The following SEH1L variants were observed in gnomAD, a reference collection of about 807,000 sequenced individuals.
SEH1L encodes nucleoporin SEH1.
Under a neutral mutation model 49.5 loss-of-function variants are expected in SEH1L, and 18 were observed. The observed-to-expected ratio is 0.36, with a 90% CI of 0.25 to 0.54. The LOEUF (loss-of-function observed/expected upper bound fraction) is 0.54, where lower values mean the gene tolerates loss of function less well. Ranked by LOEUF, SEH1L falls within the 20% of genes least tolerant of loss-of-function variation. The pLI, the probability that SEH1L is intolerant of heterozygous loss-of-function variation, is 0.87. For synonymous variants in SEH1L, 169 were observed against 178.1 expected, an observed-to-expected ratio of 0.95 and a Z score of 0.41; for missense variants, 404 against 528.8, an observed-to-expected ratio of 0.76 and a Z score of 2.31.
At chr18:12,950,341 A>G (rs1306533500) in intron 1 of SEH1L, among the ~76,000 whole-genome samples, 1 of 152,086 alleles carries the variant, frequency 6.6e-6, no homozygotes, top group Non-Finnish European at 1.5e-5. Flanking sequence ...CAGCCCTCTT[A>G]GGTCCATTTA....
chr18:12,953,698 AT>A (rs1438628714), intron 2 of SEH1L, among the ~76,000 whole-genome samples: 17 of 152,200 alleles, frequency 1.1e-4, no homozygotes, highest in African/African-American at 3.9e-4. Flanking sequence ...AAAATTAATA[AT>A]TTCAGAGTAA....
chr18:12,984,058 G>T lies in SEH1L; in HGVS notation c.938G>T (p.Trp313Leu). 2 of 1,613,340 alleles carry T rather than the reference G, an allele frequency of 1.2e-6. No individual in the cohort carries two copies. The highest frequency in any genetic ancestry group is 2.2e-5 in the South Asian group (2 of 91,020). Residue 313 changes from tryptophan to leucine, a missense_variant, in exon 8 of 9, where the codon TGG becomes TTG. Transcript: ENST00000399892. The stretch of plus-strand genomic sequence containing the variant: ...CTTTCAGCTAATTATATGGACAATT[G>T]GAAGTGTACTGGTATTTTGAAAGGT... ...RLWKANYMDN[W>L]KCTGILKGNG...
chr18:12,953,664 C>CG (rs1210103538), intron 2 of SEH1L, among the ~76,000 whole-genome samples: 3 of 152,100 alleles, frequency 2.0e-5, no homozygotes, highest in African/African-American at 7.2e-5. Context: ...GGTCCCCCCC[C>CG]CTTTTAAGGT....
intron 3 of SEH1L, 83 bp downstream of exon 3, chr18:12,955,692 G>A: frequency 7.2e-7 from 1 of 1,394,220 alleles, no homozygotes. Context: ...TCAGATAATT[G>A]GTAAAATATC....
intron 1 of SEH1L, among the ~76,000 whole-genome samples, chr18:12,949,991 A>G (rs1449968293): frequency 2.0e-5 from 3 of 150,510 alleles, no homozygotes; most frequent in East Asian, 1.9e-4. Context: ...TCGCCCTTTT[A>G]TATTTGGTTT....
At position 12,985,132 on chromosome 18, in the gene SEH1L, T is replaced by G. The variant is rs1248677737; in HGVS notation, c.1070+942T>G. On this transcript the variant is annotated intron_variant, in intron 8 of 8. Transcript: ENST00000399892. The stretch of plus-strand genomic sequence containing the variant: ...ACTGCCTGTACTGCATATTTTCTTT[T>G]GTAAATAGCTTCTATTTTTTGATCT... 2.4e-6 allele frequency: 3 copies of G among 1,259,244 alleles called. No individual in the cohort carries two copies. In the African/African-American group the frequency reaches 4.6e-5, roughly 19 times the overall value. 78.0% of individuals were successfully genotyped at this position (1,259,244 alleles called of 1,614,324 possible).
At chr18:12,957,258 C>A (rs2030922459) in intron 3 of SEH1L, among the ~76,000 whole-genome samples, 2 of 151,456 alleles carry the variant, frequency 1.3e-5, no homozygotes, top group Non-Finnish European at 2.9e-5. Flanking sequence ...AGAAACTCCC[C>A]CTCTACTAAA....
At chr18:12,951,648 C>T (rs778956584) in intron 1 of SEH1L, among the ~76,000 whole-genome samples, 2 of 152,212 alleles carry the variant, frequency 1.3e-5, no homozygotes, top group African/African-American at 4.8e-5. Context: ...GCCTTGGCCT[C>T]CCAAAGTGCT....
At chr18:12,971,047 C>T in intron 4 of SEH1L, 106 bp from the exon 5 acceptor site, 1 of 737,418 alleles carries the variant, frequency 1.4e-6, no homozygotes, top group Non-Finnish European at 2.4e-6. Flanking sequence ...AGTAGTGTGA[C>T]AGGCTAACTG....
rs138934038 is a variant in SEH1L at position 12,965,009 on chromosome 18, C to CTTTT, written c.521+1657_521+1660dup. Reference sequence around the variant, plus strand: ...ACATTGCCCCTTCCATTTCCTCATTCTTTTTTTTTTTTTTTTTTTTTTGAG... The same window carrying CTTTT: ...ACATTGCCCCTTCCATTTCCTCATTCTTTTTTTTTTTTTTTTTTTTTTTTTTGAG... On this transcript the variant is annotated intron_variant, in intron 4 of 8. Coordinates refer to ENST00000399892, the MANE Select transcript of SEH1L (RefSeq NM_001013437.2). Among the ~76,000 whole-genome samples, 389 of 82,580 alleles carry CTTTT rather than the reference C, an allele frequency of 4.7e-3. 3 individuals carry two copies. The highest frequency in any genetic ancestry group is 7.1e-3 in the East Asian group (17 of 2,392). 54.2% of individuals were successfully genotyped at this position (82,580 alleles called of 152,430 possible).
intron 3 of SEH1L, 94 bp from the exon 4 acceptor site, chr18:12,963,066 G>C: frequency 1.2e-6 from 1 of 833,906 alleles, no homozygotes; most frequent in Non-Finnish European, 1.8e-6. Flanking sequence ...AATGATAGAG[G>C]AGTTTCTGTG....
chr18:12,975,798 A>G (rs150232659), intron 5 of SEH1L: 4 of 986,158 alleles, frequency 4.1e-6, no homozygotes, highest in Middle Eastern at 5.2e-4. Context: ...GTAGCCCACT[A>G]TGATGTGGAA....
rs533313467 is a variant in SEH1L at position 12,956,294 on chromosome 18, G to A, written c.309+685G>A. 7.3e-5 allele frequency among the ~76,000 whole-genome samples: 11 copies of A among 151,626 alleles called. No individual in the cohort carries two copies. In the East Asian group the frequency reaches 1.9e-3, roughly 27 times the overall value. ...CTCCTGACCTCGTGATCTGCCTGTC[G>A]GCCTCCCAAAGTGCTGGGATTACAG... On this transcript the variant is annotated intron_variant, in intron 3 of 8. Transcript: ENST00000399892.
Position 12,971,232 on chromosome 18 carries a change from G to A in SEH1L, c.601G>A (p.Glu201Lys). Residue 201 changes from glutamate (E) to lysine (K), a missense_variant, in exon 5 of 9, where the codon GAA becomes AAA. Physicochemically the swap from Glu to Lys is moderately conservative, Grantham distance 56. Transcript: ENST00000399892. ...PNAMAKVQIF[E>K]YNENTRKYAK... is the part of the protein sequence containing the mutation. ...CGCAATGGCCAAGGTTCAGATTTTT[G>A]AATATAATGAAAACACCAGGTCAGT... is the stretch of plus-strand genomic sequence containing the variant. The A allele has an allele frequency of 1.9e-6, 3 of 1,611,888 alleles. No homozygotes were observed. The highest frequency in any genetic ancestry group is 2.5e-6 in the Non-Finnish European group (3 of 1,178,000).
chr18:12,967,653 C>T (rs2031509550), intron 4 of SEH1L, among the ~76,000 whole-genome samples: 2 of 152,298 alleles, frequency 1.3e-5, no homozygotes, highest in Non-Finnish European at 1.5e-5. Flanking sequence ...GTGGCTCACG[C>T]CTGTTATCCC....
At chr18:12,978,716 T>C in intron 5 of SEH1L, 36 bp from the exon 6 acceptor site, 1 of 1,570,638 alleles carries the variant, frequency 6.4e-7, no homozygotes, top group East Asian at 2.2e-5. Flanking sequence ...GCACATTTTA[T>C]TTCTAAAATG....
intron 1 of SEH1L, among the ~76,000 whole-genome samples, chr18:12,949,800 A>G (rs1276096359): frequency 3.9e-5 from 6 of 152,070 alleles, no homozygotes; most frequent in African/African-American, 7.2e-5. Flanking sequence ...AGAGCACAGC[A>G]TTCACATTTT....
intron 4 of SEH1L, among the ~76,000 whole-genome samples, chr18:12,969,167 C>T (rs1187233967): frequency 6.7e-6 from 1 of 148,720 alleles, no homozygotes; most frequent in Non-Finnish European, 1.5e-5. Context: ...TGAAATCACG[C>T]CATTGCACTC....
Position 12,978,760 on chromosome 18 carries a change from C to A in SEH1L, c.629C>A (p.Ala210Glu). The change falls in exon 6 of 9, where the codon GCA becomes GAA. Residue 210 changes from alanine (A) to glutamate (E), a missense_variant. Ala to Glu is a moderately radical substitution (Grantham distance 107, BLOSUM62 -1). This residue lies in a region of SEH1L where 342 missense variants were observed against 430.8 expected (regional missense o/e 0.79). Coordinates refer to ENST00000399892, the MANE Select transcript of SEH1L (RefSeq NM_001013437.2). ...FEYNENTRKY[A>E]KAETLMTVTD... ...AATTGTTTTTCCATTAGGAAATATG[C>A]AAAAGCTGAAACTCTTATGACAGTC... 1.2e-6 allele frequency: 2 copies of A among 1,606,160 alleles called. No homozygotes were observed. Among genetic ancestry groups the A allele is most frequent in the Non-Finnish European group, 1.7e-6 (2 of 1,176,524 alleles).
Sources: allele counts gnomAD v4.1 joint callset (sites outside exome capture counted in the v4.1 genomes callset), GRCh38; gene constraint gnomAD v4.1.1; regional missense constraint gnomAD v4.1.1; transcripts MANE v1.5; gene names NCBI Gene and HGNC (gene_info 2026-07-23, HGNC 2026-07-21).